PIEZO2: variants seen among roughly 807,000 people sequenced by gnomAD.
PIEZO2 encodes piezo-type mechanosensitive ion channel component 2.
In PIEZO2, 172 loss-of-function variants were observed where a neutral mutation model predicts 337.3. That is an observed-to-expected ratio of 0.51 (90% CI 0.45 to 0.58). PIEZO2 has a LOEUF of 0.58. Ranked by LOEUF, PIEZO2 falls within the 20% of genes least tolerant of loss-of-function variation. PIEZO2 has a pLI of 0.00. For synonymous variants in PIEZO2, 1,251 were observed against 1,228.5 expected, an observed-to-expected ratio of 1.02 and a Z score of -0.38; for missense variants, 3,028 against 3,391.3, an observed-to-expected ratio of 0.89 and a Z score of 2.66.
chr18:10,922,633 G>A (rs1389628961), intron 3 of PIEZO2, among the ~76,000 whole-genome samples: 1 of 152,088 alleles, frequency 6.6e-6, no homozygotes, highest in East Asian at 1.9e-4. Context: ...GACTCTGAGA[G>A]CAGAGGAAAC....
intron 1 of PIEZO2, among the ~76,000 whole-genome samples, chr18:11,120,759 T>C (rs1191420914): frequency 6.6e-6 from 1 of 152,266 alleles, no homozygotes; most frequent in East Asian, 1.9e-4. Context: ...GATATTCATG[T>C]AAACATGACT....
rs2037530457 is a variant in PIEZO2 at position 10,748,845 on chromosome 18, T to C, written c.4265-215A>G. On this transcript the variant is annotated intron_variant, in intron 29 of 55. Transcript: ENST00000674853. This position sits in a 1 kb window ranked among gnomAD's most constrained non-coding sequence, Gnocchi z 5.1. The stretch of plus-strand genomic sequence containing the variant: ...ATAAGGCTGACCATGCATTGAACTC[T>C]TCACACTACAAGGCTCAGGAGGGCC... 6.6e-6 allele frequency among the ~76,000 whole-genome samples: 1 copy of C among 152,138 alleles called. No homozygotes were observed. Among genetic ancestry groups the C allele is most frequent in the South Asian group, 2.1e-4 (1 of 4,826 alleles).
chr18:10,811,232 T>C (rs1056022502), intron 7 of PIEZO2, among the ~76,000 whole-genome samples: 1 of 152,182 alleles, frequency 6.6e-6, no homozygotes, highest in Non-Finnish European at 1.5e-5. Flanking sequence ...TGTCTATGAT[T>C]TCTCCTTCTT....
chr18:11,075,391 G>C (rs1037850700), intron 1 of PIEZO2, among the ~76,000 whole-genome samples: 3 of 152,168 alleles, frequency 2.0e-5, no homozygotes, highest in African/African-American at 7.2e-5. Flanking sequence ...ATGAGAGAAA[G>C]GAAAAAGGCT....
chr18:11,147,844 C>G (rs1330748098), intron 1 of PIEZO2, among the ~76,000 whole-genome samples: 1 of 152,240 alleles, frequency 6.6e-6, no homozygotes, highest in Non-Finnish European at 1.5e-5. Context: ...TTGCCAGTCC[C>G]AAGGAGTTCC....
chr18:10,726,829 C>A lies in PIEZO2; in HGVS notation c.5029+4578G>T. Reference sequence around the variant, plus strand: ...GCCCCATGGGGTGCTGGATAATACCCGGATGCCCCACCTTATGCAGGACTT... The same window carrying A: ...GCCCCATGGGGTGCTGGATAATACCAGGATGCCCCACCTTATGCAGGACTT... On this transcript the variant is annotated intron_variant, in intron 36 of 55. Transcript: ENST00000674853. This position sits in a 1 kb window ranked among gnomAD's most constrained non-coding sequence, Gnocchi z 5.9. 1.9e-6 allele frequency: 3 copies of A among 1,577,372 alleles called. No homozygotes were observed. The highest frequency in any genetic ancestry group is 1.7e-6 in the Non-Finnish European group (2 of 1,150,488).
chr18:10,784,829 G>C lies in PIEZO2; in HGVS notation c.2447C>G (p.Thr816Arg). The C allele has an allele frequency of 6.5e-7, 1 of 1,537,726 alleles. No individual in the cohort carries two copies. The highest frequency in any genetic ancestry group is 8.7e-7 in the Non-Finnish European group (1 of 1,146,962). ...HYFHDRFLEL[T>R]DLKSIPSKED... is the part of the protein sequence containing the mutation. ...TTTGCTGGGAATGGACTTGAGGTCTGTGAGTTCAAGGAACCGGTCATGGAA... is the reference window on the plus strand; with the variant it reads ...TTTGCTGGGAATGGACTTGAGGTCTCTGAGTTCAAGGAACCGGTCATGGAA... Residue 816 changes from threonine (T) to arginine (R), a missense_variant, in exon 17 of 56, where the codon ACA (threonine) becomes AGA (arginine). Around this residue, in one of 5 missense-constraint regions of PIEZO2, gnomAD observed 1,925 missense variants for 2,051.9 expected, o/e 0.94. Coordinates refer to ENST00000674853, the MANE Select transcript of PIEZO2 (RefSeq NM_001378183.1). The surrounding 1 kb of genome is among the most constrained non-coding windows in gnomAD (Gnocchi z 4.5).
At position 10,724,079 on chromosome 18, in the gene PIEZO2, C is replaced by T. The variant is rs9964972; in HGVS notation, c.5030-5820G>A. 0.046 allele frequency among the ~76,000 whole-genome samples: 6,992 copies of T among 152,250 alleles called. 535 individuals are homozygous for T. The highest frequency in any genetic ancestry group is 0.16 in the African/African-American group (6,624 of 41,532). The stretch of plus-strand genomic sequence containing the variant: ...GGCAGCTGTGGCTGCACTGTACCAC[C>T]TCCCAGATTAAGTGAGTGCTGAGCA... On this transcript the variant is annotated intron_variant, in intron 36 of 55. Transcript: ENST00000674853. This position sits in a 1 kb window ranked among gnomAD's most constrained non-coding sequence, Gnocchi z 5.8.
chr18:10,915,620 TA>T (rs2030873820), intron 3 of PIEZO2, among the ~76,000 whole-genome samples: 1 of 152,182 alleles, frequency 6.6e-6, no homozygotes, highest in Non-Finnish European at 1.5e-5. Context: ...GCTAGCTTCC[TA>T]TATATTAGCT....
At chr18:11,114,707 T>G (rs1398555100) in intron 1 of PIEZO2, among the ~76,000 whole-genome samples, 1 of 150,840 alleles carries the variant, frequency 6.6e-6, no homozygotes, top group Non-Finnish European at 1.5e-5. Flanking sequence ...TCCCCCCACA[T>G]ATTTGAAAAG....
At chr18:10,836,474 A>G (rs1454110286) in intron 7 of PIEZO2, among the ~76,000 whole-genome samples, 1 of 152,160 alleles carries the variant, frequency 6.6e-6, no homozygotes, top group Non-Finnish European at 1.5e-5. Context: ...GTCACTTACT[A>G]TATTGAGGAA....
Position 10,967,011 on chromosome 18 carries a change from G to GTTTTTTTTTTTTTT in PIEZO2, c.286+12523_286+12524insAAAAAAAAAAAAAA. On this transcript the variant is annotated intron_variant, in intron 3 of 55. Transcript: ENST00000674853. The stretch of plus-strand genomic sequence containing the variant: ...TGTGTATATATACCACATTTTCTCT[G>GTTTTTTTTTTTTTT]TTTTTTGTTTTTTTTTTTTTTTTTG... Among the ~76,000 whole-genome samples the GTTTTTTTTTTTTTT allele has an allele frequency of 1.8e-5, 2 of 109,392 alleles. 1 individual carries two copies. The highest frequency in any genetic ancestry group is 3.8e-5 in the Non-Finnish European group (2 of 52,756). 71.8% of individuals were successfully genotyped at this position (109,392 alleles called of 152,430 possible). A position where few individuals can be genotyped will look rare whatever the true frequency, so the allele number is the denominator to read the frequency against.
rs1029133072 is a variant in PIEZO2 at position 10,783,064 on chromosome 18, G to A, written c.2492+1720C>T. On this transcript the variant is annotated intron_variant, in intron 17 of 55. Transcript: ENST00000674853. The surrounding 1 kb of genome is among the most constrained non-coding windows in gnomAD (Gnocchi z 4.3). ...ACATTAAGAAAAATGGCAAGAAAAAGGTTCCTGCATGCTGGAGGCACTTTT... is the reference window on the plus strand; with the variant it reads ...ACATTAAGAAAAATGGCAAGAAAAAAGTTCCTGCATGCTGGAGGCACTTTT... Among the ~76,000 whole-genome samples, 1 of 151,894 alleles carries A rather than the reference G, an allele frequency of 6.6e-6. No individual in the cohort carries two copies. Among genetic ancestry groups the A allele is most frequent in the Admixed American group, 6.6e-5 (1 of 15,252 alleles).
rs1248547074 is a variant in PIEZO2 at position 10,861,142 on chromosome 18, C to G, written c.493-3931G>C. Among the ~76,000 whole-genome samples, 2 of 152,190 alleles carry G rather than the reference C, an allele frequency of 1.3e-5. No homozygotes were observed. The highest frequency in any genetic ancestry group is 2.9e-5 in the Non-Finnish European group (2 of 68,046). On this transcript the variant is annotated intron_variant, in intron 5 of 55. Coordinates refer to ENST00000674853, the MANE Select transcript of PIEZO2 (RefSeq NM_001378183.1). This position sits in a 1 kb window ranked among gnomAD's most constrained non-coding sequence, Gnocchi z 4.3. ...ACCTCTGAAAGAGCATGGACTCACT[C>G]TCGCATGTTTACTAACAGGCAGTCT...
At position 10,895,544 on chromosome 18, in the gene PIEZO2, C is replaced by T. The variant is rs1034341627; in HGVS notation, c.329+15642G>A. On this transcript the variant is annotated intron_variant, in intron 4 of 55. Coordinates refer to ENST00000674853, the MANE Select transcript of PIEZO2 (RefSeq NM_001378183.1). This position sits in a 1 kb window ranked among gnomAD's most constrained non-coding sequence, Gnocchi z 4.8. ...GAGCCCCCCAGCTGGAACAGAGTGCCGGGGAATGGTGCCGTTTGTTGGGGT... is the reference window on the plus strand; with the variant it reads ...GAGCCCCCCAGCTGGAACAGAGTGCTGGGGAATGGTGCCGTTTGTTGGGGT... Among the ~76,000 whole-genome samples the T allele has an allele frequency of 3.9e-5, 6 of 152,080 alleles. No individual in the cohort carries two copies. The highest frequency in any genetic ancestry group is 2.1e-4 in the South Asian group (1 of 4,822).
chr18:10,684,658 G>T (rs1369356018), intron 49 of PIEZO2, among the ~76,000 whole-genome samples: 1 of 151,672 alleles, frequency 6.6e-6, no homozygotes, highest in African/African-American at 2.4e-5. Context: ...TAGTGACAGG[G>T]TTTCACCATG....
chr18:11,066,306 T>C (rs2038148300), intron 1 of PIEZO2, 84 bp from the exon 2 acceptor site: 2 of 984,394 alleles, frequency 2.0e-6, no homozygotes, highest in Non-Finnish European at 3.1e-6. Context: ...CAAAAGATGG[T>C]CTCAGATGTC....
chr18:10,838,916 G>A (rs545210633), intron 7 of PIEZO2, among the ~76,000 whole-genome samples: 10 of 152,250 alleles, frequency 6.6e-5, no homozygotes, highest in Admixed American at 5.2e-4. Flanking sequence ...AAGATGAGAG[G>A]TCATAAATGT....
intron 5 of PIEZO2, among the ~76,000 whole-genome samples, chr18:10,860,883 C>T (rs1045024252): frequency 2.1e-4 from 32 of 152,132 alleles, no homozygotes; most frequent in African/African-American, 7.5e-4. Flanking sequence ...TATAAACATA[C>T]CACTGTACTT....
Sources: gnomAD v4.1 joint callset for allele counts (sites outside exome capture counted in the v4.1 genomes callset) on GRCh38, gnomAD v4.1.1 for gene constraint, gnomAD v4.1.1 regional missense constraint, Gnocchi (gnomAD v3.1) non-coding constraint, MANE v1.5 for transcripts, NCBI Gene and HGNC (gene_info 2026-07-23, HGNC 2026-07-21) for gene names.